The following ESRRG variants were observed in gnomAD, a reference collection of about 807,000 sequenced individuals.
The protein encoded by ESRRG is estrogen-related receptor gamma.
A neutral mutation model predicts 44.0 loss-of-function variants in ESRRG; 13 were observed. That is an observed-to-expected ratio of 0.30 (90% CI 0.19 to 0.47). The LOEUF (loss-of-function observed/expected upper bound fraction) is 0.47, where lower values mean the gene tolerates loss of function less well. Among genes scored for constraint, ESRRG ranks in the 20% least tolerant of loss-of-function variants. ESRRG has a pLI of 1.00. For missense variants in ESRRG, 395 were observed against 580.6 expected (o/e 0.68, Z 3.29); for synonymous variants, 215 against 214.6 (o/e 1.00, Z -0.02).
At chr1:216,586,490 A>C (rs2149903729) in intron 3 of ESRRG, among the ~76,000 whole-genome samples, 1 of 152,196 alleles carries the variant, frequency 6.6e-6, no homozygotes, top group East Asian at 1.9e-4. Flanking sequence ...TATAATATGT[A>C]GTAATTAAAC....
chr1:216,643,394 T>A (rs1318674218), intron 3 of ESRRG, among the ~76,000 whole-genome samples: 1 of 152,178 alleles, frequency 6.6e-6, no homozygotes, highest in Non-Finnish European at 1.5e-5. Context: ...ACTCCTACCA[T>A]TTCTTCCACC....
At chr1:216,973,910 T>C (rs2072291512) in intron 1 of ESRRG, among the ~76,000 whole-genome samples, 1 of 152,064 alleles carries the variant, frequency 6.6e-6, no homozygotes, top group African/African-American at 2.4e-5. Flanking sequence ...TTCTTGATTC[T>C]TAAAAACCCA....
At chr1:216,656,014 A>T (rs996130119) in intron 2 of ESRRG, among the ~76,000 whole-genome samples, 5 of 152,030 alleles carry the variant, frequency 3.3e-5, no homozygotes, top group Admixed American at 1.3e-4. Context: ...CAAAGACATG[A>T]CTCCCAGTAG....
intron 2 of ESRRG, among the ~76,000 whole-genome samples, chr1:216,832,607 G>A (rs1472982787): frequency 1.3e-5 from 2 of 152,144 alleles, no homozygotes; most frequent in African/African-American, 4.8e-5. Context: ...ATCTGGTGGT[G>A]CACCCAACTC....
intron 1 of ESRRG, chr1:216,707,613 G>C: frequency 1.1e-6 from 1 of 931,852 alleles, no homozygotes; most frequent in Non-Finnish European, 1.5e-6. Flanking sequence ...TGGAGACTTA[G>C]GTATGAAAAA....
intron 1 of ESRRG, among the ~76,000 whole-genome samples, chr1:216,716,548 G>T (rs1443100843): frequency 1.3e-5 from 2 of 151,156 alleles, no homozygotes; most frequent in South Asian, 4.1e-4. Context: ...TCCTGCCAAA[G>T]CATATTACAC....
chr1:216,815,299 T>A (rs2095099024), intron 2 of ESRRG, among the ~76,000 whole-genome samples: 1 of 152,218 alleles, frequency 6.6e-6, no homozygotes, highest in South Asian at 2.1e-4. Context: ...AGTATCTACT[T>A]CTTAGTAGAT....
chr1:217,131,872 C>A (rs993072100), intron 1 of ESRRG, among the ~76,000 whole-genome samples: 1 of 152,208 alleles, frequency 6.6e-6, no homozygotes, highest in African/African-American at 2.4e-5. Context: ...CTCCTGACAT[C>A]TGGGTTTCAG....
intron 1 of ESRRG, among the ~76,000 whole-genome samples, chr1:216,971,245 G>A (rs746893004): frequency 6.6e-5 from 10 of 152,212 alleles, no homozygotes; most frequent in Non-Finnish European, 1.2e-4. Context: ...AGACAATGAA[G>A]AGAATCAAAG....
chr1:216,937,935 G>A (rs1463923687), intron 2 of ESRRG, among the ~76,000 whole-genome samples: 2 of 148,086 alleles, frequency 1.4e-5, no homozygotes, highest in Admixed American at 6.7e-5. Context: ...TTTTCTTTAC[G>A]TACTCTGGAG....
chr1:216,877,278 A>G (rs909250648), intron 2 of ESRRG, among the ~76,000 whole-genome samples: 8 of 151,860 alleles, frequency 5.3e-5, no homozygotes, highest in African/African-American at 1.7e-4. Flanking sequence ...ATCTCATGTT[A>G]TATATTTGTT....
intron 1 of ESRRG, among the ~76,000 whole-genome samples, chr1:217,009,986 G>T (rs1462559690): frequency 6.6e-6 from 1 of 152,034 alleles, no homozygotes; most frequent in Non-Finnish European, 1.5e-5. Flanking sequence ...TTACAAGTGT[G>T]AGCCACCGCG....
intron 1 of ESRRG, among the ~76,000 whole-genome samples, chr1:216,977,951 C>T (rs898335401): frequency 2.6e-5 from 4 of 152,102 alleles, no homozygotes; most frequent in Non-Finnish European, 5.9e-5. Flanking sequence ...TTGTCCTTCT[C>T]CCTTCCACCA....
intron 1 of ESRRG, among the ~76,000 whole-genome samples, chr1:216,998,928 C>T (rs565223033): frequency 2.6e-4 from 39 of 152,264 alleles, no homozygotes; most frequent in Non-Finnish European, 1.6e-4. Flanking sequence ...TTCACATTTG[C>T]GTGGTTCATA....
At chr1:216,510,365 C>T (rs1297155557) in intron 6 of ESRRG, among the ~76,000 whole-genome samples, 5 of 152,286 alleles carry the variant, frequency 3.3e-5, no homozygotes, top group Non-Finnish European at 4.4e-5. Context: ...CATATTAAGT[C>T]TAACACCTAA....
At chr1:216,920,417 T>TGC in intron 2 of ESRRG, among the ~76,000 whole-genome samples, 1 of 123,868 alleles carries the variant, frequency 8.1e-6, no homozygotes, top group African/African-American at 3.2e-5. Flanking sequence ...TGTGTGTGTG[T>TGC]GTGCGCATAT....
intron 2 of ESRRG, among the ~76,000 whole-genome samples, chr1:216,904,277 C>T (rs889912482): frequency 1.3e-5 from 2 of 151,950 alleles, no homozygotes; most frequent in African/African-American, 4.8e-5. Flanking sequence ...AACAGACCCT[C>T]ACAGATGACA....
intron 2 of ESRRG, among the ~76,000 whole-genome samples, chr1:216,737,812 A>T (rs946476): frequency 1.3e-5 from 2 of 151,076 alleles, no homozygotes; most frequent in African/African-American, 2.4e-5. Context: ...CTGCTTACTC[A>T]GTAAGATTGT....
At chr1:216,906,471 G>A (rs1424820469) in intron 2 of ESRRG, among the ~76,000 whole-genome samples, 1 of 152,160 alleles carries the variant, frequency 6.6e-6, no homozygotes, top group Non-Finnish European at 1.5e-5. Context: ...CATATGGCCA[G>A]GAAAGTACAG....
Sources: allele counts gnomAD v4.1 joint callset (sites outside exome capture counted in the v4.1 genomes callset), GRCh38; gene constraint gnomAD v4.1.1; transcripts MANE v1.5; gene names NCBI Gene and HGNC (gene_info 2026-07-23, HGNC 2026-07-21).